ZNF799: variants seen among roughly 807,000 people sequenced by gnomAD.
The protein encoded by ZNF799 is zinc finger protein 799, also known as zinc finger protein 14.
ZNF799 carries 28 observed loss-of-function variants against 41.0 expected under a neutral mutation model. That is an observed-to-expected ratio of 0.68 (90% confidence interval 0.51 to 0.94). The LOEUF (loss-of-function observed/expected upper bound fraction) is 0.94. ZNF799 is among the 40% of genes least tolerant of loss of function. The pLI, the probability that ZNF799 is intolerant of heterozygous loss-of-function variation, is 0.00. For missense variants in ZNF799, 716 were observed against 764.3 expected (o/e 0.94, Z 0.74); for synonymous variants, 213 against 252.9 (o/e 0.84, Z 1.50).
upstream of ZNF799, among the ~76,000 whole-genome samples, chr19:12,402,254 T>C (rs1970000168): frequency 6.6e-6 from 1 of 152,258 alleles, no homozygotes; most frequent in South Asian, 2.1e-4. Context: ...TACTGATTTT[T>C]GTATGTTAAT....
chr19:12,399,970 G>T (rs1182659467), intron 1 of ZNF799, among the ~76,000 whole-genome samples: 3 of 152,110 alleles, frequency 2.0e-5, no homozygotes, highest in Non-Finnish European at 2.9e-5. Flanking sequence ...ATTCTTTCAA[G>T]AAAAAGCCAT....
At chr19:12,398,901 A>T (rs1969938309) in intron 1 of ZNF799, among the ~76,000 whole-genome samples, 1 of 152,206 alleles carries the variant, frequency 6.6e-6, no homozygotes, top group Non-Finnish European at 1.5e-5. Context: ...TGGGGCAAAA[A>T]AAATAAATAA....
At position 12,392,639 on chromosome 19, in the gene ZNF799, A is replaced by G; in HGVS notation, c.155T>C (p.Ile52Thr). Residue 52 changes from isoleucine (I) to threonine (T), a missense_variant, in exon 3 of 4, where the codon ATT becomes ACT. Ile to Thr is a moderately conservative substitution (Grantham distance 89). Transcript: ENST00000430385. ...CCTGGGATATCTATATTGATCTTCA[A>G]TGTTCTGGTCTTTCCATTTCATTCC... is the stretch of plus-strand genomic sequence containing the variant. ...CVGMKWKDQN[I>T]EDQYRYPRKN... 2 of 1,601,066 alleles carry G rather than the reference A, an allele frequency of 1.2e-6. No individual in the cohort carries two copies. Among genetic ancestry groups the G allele is most frequent in the Non-Finnish European group, 1.7e-6 (2 of 1,169,880 alleles).
At chr19:12,392,858 C>T (rs1233073866) in intron 2 of ZNF799, among the ~76,000 whole-genome samples, 195 bp from the exon 3 acceptor site, 2 of 152,060 alleles carry the variant, frequency 1.3e-5, no homozygotes, top group Non-Finnish European at 2.9e-5. Flanking sequence ...CTCTGCTACC[C>T]AAGACACTAA....
At chr19:12,413,840 A>G in the ZNF799 span, among the ~76,000 whole-genome samples, 4 of 152,122 alleles carry the variant, frequency 2.6e-5, no homozygotes, top group Non-Finnish European at 4.4e-5. Flanking sequence ...TGTCCAGGGG[A>G]AGGGTCCGCA....
intron 1 of ZNF799, chr19:12,394,779 C>A (rs1969871394): frequency 2.2e-5 from 22 of 985,152 alleles, no homozygotes; most frequent in Non-Finnish European, 2.4e-5. Flanking sequence ...ACAAAAATTA[C>A]ATTACCAAAT....
upstream of ZNF799, among the ~76,000 whole-genome samples, chr19:12,405,323 G>C (rs1018123427): frequency 2.6e-5 from 4 of 152,072 alleles, no homozygotes; most frequent in Middle Eastern, 3.2e-3. Flanking sequence ...ATTTCCTCTA[G>C]TAAACTAGGG....
In ZNF799 at chr19:12,391,875, C is replaced by T. The variant is rs749905471; in HGVS notation, c.523G>A (p.Gly175Arg). ...GKKPYNCKEC[G>R]KSFSSLGNLQ... ...TTTCCCAAAGAACTGAAGGACTTCC[C>T]ACATTCTTTACAATTATATGGTTTC... The change falls in exon 4 of 4, where the codon GGG becomes AGG. Residue 175 changes from glycine to arginine, a missense_variant. Coordinates refer to ENST00000430385, the MANE Select transcript of ZNF799 (RefSeq NM_001080821.3). 3.4e-5 allele frequency: 55 copies of T among 1,614,072 alleles called. No homozygotes were observed. The highest frequency in any genetic ancestry group is 4.4e-5 in the Non-Finnish European group (52 of 1,180,034).
chr19:12,398,750 T>C lies in ZNF799; in HGVS notation c.3+2318A>G, dbSNP rs138026207. ...TTAATTCAATGTACCTACTACACTT[T>C]CTTGTAAAAATGTATTCCTTTTTTG... is the stretch of plus-strand genomic sequence containing the variant. On this transcript the variant is annotated intron_variant, in intron 1 of 3. Coordinates refer to ENST00000430385, the MANE Select transcript of ZNF799 (RefSeq NM_001080821.3). Among the ~76,000 whole-genome samples the C allele has an allele frequency of 3.6e-3, 551 of 152,296 alleles. 1 individual carries two copies. The highest frequency in any genetic ancestry group is 0.012 in the African/African-American group (519 of 41,564).
chr19:12,400,770 G>A (rs1425368500), intron 1 of ZNF799: 2 of 563,538 alleles, frequency 3.5e-6, no homozygotes, highest in Non-Finnish European at 6.2e-6. Flanking sequence ...AGTGAGTCGG[G>A]CCGCGAACCT....
At chr19:12,401,597 A>AGG (rs961566233), upstream of ZNF799, among the ~76,000 whole-genome samples, 5 of 102,672 alleles carry the variant, frequency 4.9e-5, no homozygotes, top group African/African-American at 7.8e-5. Context: ...AGAGAGAGAG[A>AGG]GAGGGAGTCT....
the ZNF799 span, among the ~76,000 whole-genome samples, chr19:12,414,236 A>C: frequency 6.6e-6 from 1 of 152,168 alleles, no homozygotes; most frequent in African/African-American, 2.4e-5. Context: ...TGACAGAAGA[A>C]GGTATCTCTT....
At chr19:12,406,350 G>A in the ZNF799 span, among the ~76,000 whole-genome samples, 5 of 150,922 alleles carry the variant, frequency 3.3e-5, no homozygotes, top group African/African-American at 1.2e-4. Context: ...CGGGCATGGT[G>A]GCAGGCGCCT....
chr19:12,411,573 A>T, the ZNF799 span, among the ~76,000 whole-genome samples: 1 of 151,938 alleles, frequency 6.6e-6, no homozygotes, highest in East Asian at 1.9e-4. Flanking sequence ...GTGAATTCTT[A>T]TTCACTTGAT....
chr19:12,391,004 T>C lies in ZNF799; in HGVS notation c.1394A>G (p.Asn465Ser). Reference protein sequence around the residue: ...KAFIDFYSFQNHKTTHAGEKP... With the variant: ...KAFIDFYSFQSHKTTHAGEKP... ...CTCTCCAGCATGAGTTGTTTTGTGA[T>C]TTTGAAAGGAATAGAAATCAATAAA... Residue 465 changes from asparagine to serine, a missense_variant, in exon 4 of 4, where the codon AAT becomes AGT. Physicochemically the swap from Asn to Ser is conservative, Grantham distance 46. Transcript: ENST00000430385. 1 of 1,614,114 alleles carries C rather than the reference T, an allele frequency of 6.2e-7. No individual in the cohort carries two copies. Among genetic ancestry groups the C allele is most frequent in the Non-Finnish European group, 8.5e-7 (1 of 1,180,000 alleles).
the ZNF799 span, among the ~76,000 whole-genome samples, chr19:12,414,289 C>G: frequency 6.6e-6 from 1 of 152,170 alleles, no homozygotes; most frequent in Non-Finnish European, 1.5e-5. Context: ...GACCCAGACC[C>G]TCACAGAGCG....
At chr19:12,414,118 G>A in the ZNF799 span, among the ~76,000 whole-genome samples, 9 of 152,184 alleles carry the variant, frequency 5.9e-5, no homozygotes, top group African/African-American at 1.7e-4. Flanking sequence ...CTGGGCTCTT[G>A]GAACCTCACA....
chr19:12,391,934 G>A lies in ZNF799; in HGVS notation c.464C>T (p.Ser155Leu), dbSNP rs1489723242. The A allele has an allele frequency of 8.1e-6, 13 of 1,614,056 alleles. No individual in the cohort carries two copies. In the African/African-American group the frequency reaches 1.7e-4, roughly 22 times the overall value. ...GTGAAGCCTCTCATGTGTTTGAAGT[G>A]AGTTGTGGTAACTGAAGGCTTTCCC... ...QRGKAFSYHN[S>L]LQTHERLHTG... Residue 155 changes from serine (S) to leucine (L), a missense_variant, in exon 4 of 4, where the codon TCA (serine) becomes TTA (leucine). This residue lies in a region of ZNF799 where 698 missense variants were observed against 713.6 expected (regional missense o/e 0.98). Coordinates refer to ENST00000430385, the MANE Select transcript of ZNF799 (RefSeq NM_001080821.3).
upstream of ZNF799, among the ~76,000 whole-genome samples, chr19:12,401,425 T>G (rs1383540399): frequency 6.6e-6 from 1 of 152,142 alleles, no homozygotes; most frequent in Non-Finnish European, 1.5e-5. Context: ...GCTTCCTCCC[T>G]GCTCTTTGAT....
Sources: gnomAD v4.1 joint callset for allele counts (sites outside exome capture counted in the v4.1 genomes callset) on GRCh38, gnomAD v4.1.1 for gene constraint, gnomAD v4.1.1 regional missense constraint, MANE v1.5 for transcripts, NCBI Gene and HGNC (gene_info 2026-07-23, HGNC 2026-07-21) for gene names.